CNTN4: variants seen among roughly 807,000 people sequenced by gnomAD.
CNTN4 encodes the protein contactin-4.
In CNTN4, 77 loss-of-function variants were observed where a neutral mutation model predicts 122.5. The observed-to-expected ratio is 0.63, with a 90% CI of 0.52 to 0.76. The LOEUF (loss-of-function observed/expected upper bound fraction) is 0.76. Among genes scored for constraint, CNTN4 ranks in the 30% least tolerant of loss-of-function variants. The pLI is 0.00. For missense variants in CNTN4, 1,256 were observed against 1,259.1 expected, an observed-to-expected ratio of 1.00 and a Z score of 0.04; for synonymous variants, 512 against 447.0, an observed-to-expected ratio of 1.15 and a Z score of -1.83.
At chr3:2,434,133 A>C (rs2048176608) in intron 3 of CNTN4, among the ~76,000 whole-genome samples, 1 of 152,168 alleles carries the variant, frequency 6.6e-6, no homozygotes, top group Non-Finnish European at 1.5e-5. Context: ...CATACTTCAA[A>C]ATTGCTGAGT....
intron 6 of CNTN4, among the ~76,000 whole-genome samples, chr3:2,816,707 G>C (rs1204827261): frequency 2.0e-5 from 3 of 151,324 alleles, no homozygotes; most frequent in Non-Finnish European, 4.4e-5. Flanking sequence ...TGTAGTCCCA[G>C]CTACTCAGGA....
chr3:2,382,966 TG>T (rs1182773434), intron 3 of CNTN4, among the ~76,000 whole-genome samples: 2 of 151,270 alleles, frequency 1.3e-5, no homozygotes, highest in Non-Finnish European at 2.9e-5. Flanking sequence ...TTCCAGCTAC[TG>T]GGGAGGCTGA....
intron 4 of CNTN4, among the ~76,000 whole-genome samples, chr3:2,649,223 C>T (rs574607599): frequency 7.9e-5 from 12 of 152,216 alleles, no homozygotes; most frequent in African/African-American, 2.6e-4. Flanking sequence ...AGGTGGCTAC[C>T]CTAAAAAACA....
rs2086993788 is a variant in CNTN4 at position 2,709,656 on chromosome 3, G to A, written c.56-26559G>A. On this transcript the variant is annotated intron_variant, in intron 4 of 24. Coordinates refer to ENST00000418658, the MANE Select transcript of CNTN4 (RefSeq NM_175607.3). This position sits in a 1 kb window ranked among gnomAD's most constrained non-coding sequence, Gnocchi z 5.0. ...TGGCTGGGTGCGGTGGCTCTCACCT[G>A]TAACCGCAGCACTTTGGGAGGCTGA... 6.6e-6 allele frequency among the ~76,000 whole-genome samples: 1 copy of A among 152,164 alleles called. No homozygotes were observed. The highest frequency in any genetic ancestry group is 2.1e-4 in the South Asian group (1 of 4,826).
At chr3:2,962,782 G>A (rs571630213) in intron 13 of CNTN4, among the ~76,000 whole-genome samples, 14 of 152,292 alleles carry the variant, frequency 9.2e-5, no homozygotes, top group African/African-American at 2.9e-4. Flanking sequence ...CTATGAAAAC[G>A]GGAAAATGGA....
At chr3:2,408,825 A>G (rs1049288793) in intron 3 of CNTN4, among the ~76,000 whole-genome samples, 5 of 152,162 alleles carry the variant, frequency 3.3e-5, no homozygotes, top group Non-Finnish European at 4.4e-5. Context: ...TCCAGATGCT[A>G]TTTTAGAACA....
intron 2 of CNTN4, among the ~76,000 whole-genome samples, chr3:2,277,612 A>C (rs1183969734): frequency 6.6e-6 from 1 of 152,170 alleles, no homozygotes; most frequent in Non-Finnish European, 1.5e-5. Flanking sequence ...CCGTACGTGA[A>C]ACACATATAT....
intron 13 of CNTN4, among the ~76,000 whole-genome samples, chr3:2,963,017 C>G (rs2094877508): frequency 6.6e-6 from 1 of 152,120 alleles, no homozygotes. Context: ...GGGTTATCCC[C>G]TCCCGCATTC....
chr3:2,933,891 T>G (rs1050507023), intron 13 of CNTN4, among the ~76,000 whole-genome samples: 3 of 152,132 alleles, frequency 2.0e-5, no homozygotes, highest in African/African-American at 7.2e-5. Context: ...TGAGAACATC[T>G]ATGGCTCAAA....
chr3:2,653,745 T>G (rs2083462324), intron 4 of CNTN4, among the ~76,000 whole-genome samples: 1 of 152,204 alleles, frequency 6.6e-6, no homozygotes, highest in South Asian at 2.1e-4. Flanking sequence ...TATATTTCCT[T>G]TATTTTTCTT....
intron 6 of CNTN4, among the ~76,000 whole-genome samples, chr3:2,779,777 G>A (rs1031660346): frequency 2.0e-5 from 3 of 152,104 alleles, no homozygotes; most frequent in African/African-American, 4.8e-5. Flanking sequence ...AATAAGTGGT[G>A]GTGGTGATTT....
intron 7 of CNTN4, among the ~76,000 whole-genome samples, chr3:2,824,096 G>A (rs1284030527): frequency 6.6e-6 from 1 of 151,308 alleles, no homozygotes; most frequent in Non-Finnish European, 1.5e-5. Flanking sequence ...AACCATAGGT[G>A]TCCAACCTGT....
intron 6 of CNTN4, among the ~76,000 whole-genome samples, chr3:2,766,618 G>A (rs2090872574): frequency 1.3e-5 from 2 of 152,112 alleles, no homozygotes; most frequent in African/African-American, 2.4e-5. Context: ...GAGGATGAGG[G>A]ATAAAAGGCT....
At chr3:2,464,484 G>A (rs2075427412) in intron 3 of CNTN4, among the ~76,000 whole-genome samples, 1 of 152,202 alleles carries the variant, frequency 6.6e-6, no homozygotes, top group African/African-American at 2.4e-5. Context: ...TAAAGGTATT[G>A]TGCATAGTAG....
chr3:2,124,812 T>G (rs1384355029), intron 2 of CNTN4, among the ~76,000 whole-genome samples: 1 of 150,650 alleles, frequency 6.6e-6, no homozygotes, highest in African/African-American at 2.4e-5. Flanking sequence ...GTGTAGTTGA[T>G]GTACAAAAAT....
intron 3 of CNTN4, among the ~76,000 whole-genome samples, chr3:2,561,714 A>C (rs2149429955): frequency 6.6e-6 from 1 of 152,332 alleles, no homozygotes; most frequent in East Asian, 1.9e-4. Context: ...ACAGAGGTTA[A>C]ATGACTTGCC....
intron 3 of CNTN4, among the ~76,000 whole-genome samples, chr3:2,469,456 C>G (rs2075611843): frequency 6.6e-6 from 1 of 152,100 alleles, no homozygotes. Flanking sequence ...CTTCTTTAAT[C>G]TATATACAGT....
intron 10 of CNTN4, 122 bp downstream of exon 10, chr3:2,887,346 T>G: frequency 1.1e-6 from 1 of 939,848 alleles, no homozygotes; most frequent in Non-Finnish European, 1.6e-6. Flanking sequence ...TGTGTGAAAC[T>G]CATGGTTTGC....
In CNTN4 at chr3:2,820,788, G is replaced by C. The variant is rs972562885; in HGVS notation, c.454+1207G>C. On this transcript the variant is annotated intron_variant, in intron 7 of 24. Transcript: ENST00000418658. ...ATATATATATTTCTTATTAATCACA[G>C]TATCACAGGATCAGACCAAGAACAA... Among the ~76,000 whole-genome samples the C allele has an allele frequency of 4.0e-5, 6 of 151,654 alleles. No homozygotes were observed. In the South Asian group the frequency reaches 8.3e-4, roughly 21 times the overall value.
Sources: gnomAD v4.1 joint callset for allele counts (sites outside exome capture counted in the v4.1 genomes callset) on GRCh38, gnomAD v4.1.1 for gene constraint, Gnocchi (gnomAD v3.1) non-coding constraint, MANE v1.5 for transcripts, NCBI Gene and HGNC (gene_info 2026-07-23, HGNC 2026-07-21) for gene names.